HDLBP: variants seen among roughly 807,000 people sequenced by gnomAD.
HDLBP encodes high density lipoprotein binding protein.
Under a neutral mutation model 137.3 loss-of-function variants are expected in HDLBP, and 30 were observed. The observed-to-expected ratio is 0.22, with a 90% CI of 0.16 to 0.30. The LOEUF is 0.30. HDLBP is among the 10% of genes least tolerant of loss of function. The pLI, the probability that HDLBP is intolerant of heterozygous loss-of-function variation, is 1.00. For synonymous variants in HDLBP, 606 were observed against 596.0 expected (o/e 1.02, Z -0.24); for missense variants, 1,119 against 1,667.3 (o/e 0.67, Z 5.73).
rs2069303302 is a variant in HDLBP, at chr2:241,228,111, G to A, written c.*1490C>T. 1 of 152,264 alleles carries A rather than the reference G, an allele frequency of 6.6e-6. No homozygotes were observed. The highest frequency in any genetic ancestry group is 6.5e-5 in the Admixed American group (1 of 15,286). 9.4% of individuals were successfully genotyped at this position (152,264 alleles called of 1,614,324 possible). A position where few individuals can be genotyped will look rare whatever the true frequency, so the allele number is the denominator to read the frequency against. ...CCAAGCTTGAGTTATTCAACTGAGA[G>A]TGAGGTGTCAAGGCGGAAGCGACTG... On this transcript the variant is annotated 3_prime_UTR_variant, in exon 28 of 28. Coordinates refer to ENST00000310931, the MANE Select transcript of HDLBP (RefSeq NM_005336.6).
intron 1 of HDLBP, among the ~76,000 whole-genome samples, chr2:241,310,182 G>A (rs1480002955): frequency 6.6e-6 from 1 of 152,050 alleles, no homozygotes; most frequent in African/African-American, 2.4e-5. Context: ...CAAAAAATAG[G>A]TTATAAAATA....
At chr2:241,306,971 CAAA>C (rs5839774) in intron 1 of HDLBP, among the ~76,000 whole-genome samples, 1 of 79,126 alleles carries the variant, frequency 1.3e-5, no homozygotes, top group Non-Finnish European at 2.8e-5. Flanking sequence ...TGAACCTATT[CAAA>C]AAAAAAAAAA....
intron 1 of HDLBP, chr2:241,273,164 G>T: frequency 3.0e-6 from 3 of 985,504 alleles, no homozygotes; most frequent in Non-Finnish European, 3.6e-6. Flanking sequence ...CCCAAAATCA[G>T]AAGAAAAACC....
chr2:241,290,095 C>T (rs1559547097), intron 1 of HDLBP, among the ~76,000 whole-genome samples: 1 of 152,156 alleles, frequency 6.6e-6, no homozygotes, highest in Non-Finnish European at 1.5e-5. Flanking sequence ...GCATAGTCTT[C>T]GGGGTACACA....
At chr2:241,234,036 C>A in intron 23 of HDLBP, 73 bp from the exon 24 acceptor site, 1 of 1,552,696 alleles carries the variant, frequency 6.4e-7, no homozygotes, top group South Asian at 1.1e-5. Flanking sequence ...CCCTTCCACC[C>A]TGGTCATAGG....
At chr2:241,231,499 G>C (rs2149321285) in intron 24 of HDLBP, among the ~76,000 whole-genome samples, 1 of 151,964 alleles carries the variant, frequency 6.6e-6, no homozygotes, top group African/African-American at 2.4e-5. Context: ...AAGGACATTT[G>C]TCCTCAAAGA....
chr2:241,308,636 G>C (rs1020877384), intron 1 of HDLBP, among the ~76,000 whole-genome samples: 1 of 152,208 alleles, frequency 6.6e-6, no homozygotes, highest in African/African-American at 2.4e-5. Flanking sequence ...GCAGACCTGG[G>C]TAGATGGTAG....
At chr2:241,284,338 G>T (rs2074726444) in intron 1 of HDLBP, among the ~76,000 whole-genome samples, 1 of 146,602 alleles carries the variant, frequency 6.8e-6, no homozygotes, top group Admixed American at 6.7e-5. Context: ...CTTCAGTGGA[G>T]AAAGCAACTG....
At position 241,233,439 on chromosome 2, in the gene HDLBP, T is replaced by A. The variant is rs2070030832; in HGVS notation, c.3288+381A>T. Among the ~76,000 whole-genome samples the A allele has an allele frequency of 6.6e-6, 1 of 152,104 alleles. No individual in the cohort carries two copies. Among genetic ancestry groups the A allele is most frequent in the African/African-American group, 2.4e-5 (1 of 41,420 alleles). ...TTGCAGCTGGGGCTGCAGAGAAATGTCCACCTGACCCCAAGAGGCCCAGGT... is the reference window on the plus strand; with the variant it reads ...TTGCAGCTGGGGCTGCAGAGAAATGACCACCTGACCCCAAGAGGCCCAGGT... On this transcript the variant is annotated intron_variant, in intron 24 of 27. Transcript: ENST00000310931. The surrounding 1 kb of genome is among the most constrained non-coding windows in gnomAD (Gnocchi z 4.3).
intron 1 of HDLBP, among the ~76,000 whole-genome samples, chr2:241,300,965 TTATTATTA>T (rs964939289): frequency 6.9e-6 from 1 of 143,910 alleles, no homozygotes; most frequent in Non-Finnish European, 1.5e-5. Flanking sequence ...ATTATTATTA[TTATTATTA>T]TTATTATTAT....
intron 1 of HDLBP, among the ~76,000 whole-genome samples, chr2:241,300,679 A>G (rs1214514374): frequency 6.6e-6 from 1 of 152,224 alleles, no homozygotes; most frequent in African/African-American, 2.4e-5. Context: ...TTGATGGAGA[A>G]AAGACCTTCA....
intron 12 of HDLBP, 76 bp downstream of exon 12, chr2:241,249,765 C>T: frequency 1.4e-6 from 2 of 1,417,306 alleles, no homozygotes. Context: ...CCGCACACCA[C>T]AACACGCTAC....
intron 1 of HDLBP, among the ~76,000 whole-genome samples, chr2:241,286,966 A>G (rs1041119177): frequency 3.3e-5 from 5 of 151,808 alleles, no homozygotes; most frequent in African/African-American, 1.2e-4. Context: ...AAAAAAGAAA[A>G]CATGTAGAAT....
chr2:241,252,475 C>T (rs1253111750), intron 11 of HDLBP, among the ~76,000 whole-genome samples: 1 of 152,260 alleles, frequency 6.6e-6, no homozygotes, highest in Non-Finnish European at 1.5e-5. Context: ...GCACTCCAGC[C>T]TGGGTGACAG....
intron 1 of HDLBP, among the ~76,000 whole-genome samples, chr2:241,305,274 T>C (rs1193401725): frequency 6.6e-6 from 1 of 152,148 alleles, no homozygotes; most frequent in Non-Finnish European, 1.5e-5. Flanking sequence ...CAGGCATGTG[T>C]CACTACACCC....
Position 241,305,752 on chromosome 2 carries a change from GTTTAT to G in HDLBP, c.-103+9813_-103+9817del, listed in dbSNP as rs1036657064. On this transcript the variant is annotated intron_variant, in intron 1 of 27. Transcript: ENST00000310931. ...TATAGGAAGCAATGAATACAAAGTTGTTTATTTGTTTTTTTTTTTTTTTTTGAGAT... is the reference window on the plus strand; with the variant it reads ...TATAGGAAGCAATGAATACAAAGTTGTTGTTTTTTTTTTTTTTTTTGAGAT... Among the ~76,000 whole-genome samples the G allele has an allele frequency of 2.7e-5, 4 of 148,734 alleles. No individual in the cohort carries two copies. The East Asian group carries it at 8.0e-4, about 30-fold the overall frequency.
In HDLBP at chr2:241,254,486, A is replaced by AT. The variant is rs34980914; in HGVS notation, c.1188+564dup. ...GTATACAAGTTCTGCTCTTCAAAGT[A>AT]TTTTTTTTTTTTTTTTGAGACAGAG... On this transcript the variant is annotated intron_variant, in intron 9 of 27. Transcript: ENST00000310931. 3.8e-3 allele frequency among the ~76,000 whole-genome samples: 527 copies of AT among 139,550 alleles called. 3 individuals are homozygous for AT. The highest frequency in any genetic ancestry group is 6.8e-3 in the African/African-American group (260 of 38,086). The allele number at this position is 139,550 out of a possible 152,430, so 91.6% of individuals were successfully genotyped here.
chr2:241,311,655 A>G (rs1442796798), intron 1 of HDLBP, among the ~76,000 whole-genome samples: 1 of 152,266 alleles, frequency 6.6e-6, no homozygotes, highest in African/African-American at 2.4e-5. Context: ...GTGACAAAAT[A>G]TAGAAAACTG....
At chr2:241,258,525 C>A (rs1356336600) in intron 5 of HDLBP, among the ~76,000 whole-genome samples, 2 of 151,696 alleles carry the variant, frequency 1.3e-5, no homozygotes, top group Admixed American at 6.6e-5. Context: ...CCCTGTGTTA[C>A]AACAAACAAA....
Sources: allele counts gnomAD v4.1 joint callset (sites outside exome capture counted in the v4.1 genomes callset), GRCh38; gene constraint gnomAD v4.1.1; non-coding constraint Gnocchi (gnomAD v3.1); transcripts MANE v1.5; gene names NCBI Gene and HGNC (gene_info 2026-07-23, HGNC 2026-07-21).